Variants in PCDHGA1 observed in about 807,000 individuals in gnomAD.
PCDHGA1 encodes protocadherin gamma subfamily A, 1.
In PCDHGA1, 32 loss-of-function variants were observed where a neutral mutation model predicts 58.0. That is an observed-to-expected ratio of 0.55 (90% CI 0.42 to 0.74). The LOEUF (loss-of-function observed/expected upper bound fraction) is 0.74, where lower values mean the gene tolerates loss of function less well. Ranked by LOEUF, PCDHGA1 falls within the 30% of genes least tolerant of loss-of-function variation. PCDHGA1 has a pLI of 0.00. For synonymous variants in PCDHGA1, 498 were observed against 501.1 expected (o/e 0.99, Z 0.08); for missense variants, 1,205 against 1,182.3 (o/e 1.02, Z -0.28).
intron 1 of PCDHGA1, among the ~76,000 whole-genome samples, chr5:141,465,502 G>T (rs948827391): frequency 6.6e-6 from 1 of 152,152 alleles, no homozygotes; most frequent in Non-Finnish European, 1.5e-5. Flanking sequence ...GAGCATTGTC[G>T]TGGTCAGGAA....
chr5:141,511,129 G>A lies in PCDHGA1; in HGVS notation c.2752G>A (p.Gly918Ser). ...GCGGGATGGCAAGGCCCCAGCAGGT[G>A]GCAATGGCAACAAGAAGAAGTCGGG... ...GKRDGKAPAGGNGNKKKSGKK... is the reference protein window; with the variant it reads ...GKRDGKAPAGSNGNKKKSGKK... Residue 918 changes from glycine to serine, a missense_variant, in exon 4 of 4, where the codon GGC becomes AGC. By Grantham distance (56) the Gly-to-Ser change is moderately conservative. Coordinates refer to ENST00000517417, the MANE Select transcript of PCDHGA1 (RefSeq NM_018912.3). 1 of 1,614,204 alleles carries A rather than the reference G, an allele frequency of 6.2e-7. No individual in the cohort carries two copies. Among genetic ancestry groups the A allele is most frequent in the Non-Finnish European group, 8.5e-7 (1 of 1,180,014 alleles).
chr5:141,398,831 C>G (rs1488126013), intron 1 of PCDHGA1: 13 of 1,614,014 alleles, frequency 8.1e-6, no homozygotes, highest in Non-Finnish European at 1.1e-5. Context: ...GTAACCGACG[C>G]CAATGATAAT....
intron 1 of PCDHGA1, chr5:141,408,041 C>T: frequency 1.7e-6 from 2 of 1,193,652 alleles, no homozygotes; most frequent in Non-Finnish European, 2.3e-6. Context: ...AAACCAGCTC[C>T]CACACAGAGC....
chr5:141,501,290 TACACACACACACACACACAC>T (rs55762287), intron 2 of PCDHGA1, among the ~76,000 whole-genome samples: 1 of 136,162 alleles, frequency 7.3e-6, no homozygotes, highest in Non-Finnish European at 1.6e-5. Flanking sequence ...TATTCCCTTA[TACACACACACACACACACAC>T]ACACACACAC....
intron 1 of PCDHGA1, chr5:141,371,905 A>G (rs768388601): frequency 6.2e-7 from 1 of 1,613,358 alleles, no homozygotes; most frequent in Non-Finnish European, 8.5e-7. Context: ...CTGTCGTCCT[A>G]CGTGTCCGTG....
chr5:141,478,143 A>T (rs759384540), intron 1 of PCDHGA1: 1 of 1,614,014 alleles, frequency 6.2e-7, no homozygotes, highest in Non-Finnish European at 8.5e-7. Flanking sequence ...GCCCGAGCCG[A>T]GTTCCCCTCT....
At chr5:141,351,511 A>C (rs371747733) in intron 1 of PCDHGA1, 1 of 1,614,018 alleles carries the variant, frequency 6.2e-7, no homozygotes. Context: ...ACAACGTCAC[A>C]ATCATAGCCA....
intron 1 of PCDHGA1, among the ~76,000 whole-genome samples, chr5:141,492,409 C>T (rs1367119266): frequency 6.6e-6 from 1 of 152,230 alleles, no homozygotes. Context: ...TCCCCTCTGC[C>T]GCTCCCTCCG....
intron 1 of PCDHGA1, chr5:141,427,619 C>T: frequency 1.4e-6 from 1 of 696,342 alleles, no homozygotes; most frequent in Non-Finnish European, 2.6e-6. Context: ...AAGTCAACGA[C>T]AATGCTCCGG....
intron 1 of PCDHGA1, among the ~76,000 whole-genome samples, chr5:141,402,766 A>T (rs1321674206): frequency 6.6e-6 from 1 of 152,232 alleles, no homozygotes; most frequent in African/African-American, 2.4e-5. Context: ...TCAGGACTCC[A>T]TCCGGATTTC....
Position 141,331,252 on chromosome 5 carries a change from C to G in PCDHGA1, c.568C>G (p.Gln190Glu). 1 of 1,614,124 alleles carries G rather than the reference C, an allele frequency of 6.2e-7. No homozygotes were observed. Among genetic ancestry groups the G allele is most frequent in the South Asian group, 1.1e-5 (1 of 91,080 alleles). Reference sequence around the variant, plus strand: ...TGTGCAACAGGGAGCCGATGGGCCTCAACATCCAGAGATGGTGCTGCAGAG... The same window carrying G: ...TGTGCAACAGGGAGCCGATGGGCCTGAACATCCAGAGATGGTGCTGCAGAG... The part of the protein sequence containing the change: ...LDVQQGADGP[Q>E]HPEMVLQSPL... The change falls in exon 1 of 4, where the codon CAA becomes GAA. Residue 190 changes from glutamine (Q) to glutamate (E), a missense_variant. By Grantham distance (29) the Gln-to-Glu change is conservative. Coordinates refer to ENST00000517417, the MANE Select transcript of PCDHGA1 (RefSeq NM_018912.3).
Position 141,487,463 on chromosome 5 carries a change from G to T in PCDHGA1, c.2422-7344G>T, listed in dbSNP as rs754798527. 1 of 1,614,136 alleles carries T rather than the reference G, an allele frequency of 6.2e-7. No homozygotes were observed. The highest frequency in any genetic ancestry group is 1.7e-5 in the Admixed American group (1 of 60,016). ...GTCAGATGACCCTATCAAGTTTGTT[G>T]ATGTGGGAGGCCACTCTCATGGCTG... On this transcript the variant is annotated intron_variant, in intron 1 of 3. Coordinates refer to ENST00000517417, the MANE Select transcript of PCDHGA1 (RefSeq NM_018912.3). The surrounding 1 kb of genome is among the most constrained non-coding windows in gnomAD (Gnocchi z 5.0).
chr5:141,489,174 C>A lies in PCDHGA1; in HGVS notation c.2422-5633C>A. On this transcript the variant is annotated intron_variant, in intron 1 of 3. Coordinates refer to ENST00000517417, the MANE Select transcript of PCDHGA1 (RefSeq NM_018912.3). The surrounding 1 kb of genome is among the most constrained non-coding windows in gnomAD (Gnocchi z 4.5). ...ATAAGAGACTTCAGCTGCTGCATTC[C>A]AAGCCCTGGGTCTACCTTGGAGACA... The A allele has an allele frequency of 8.2e-7, 1 of 1,224,772 alleles. No individual in the cohort carries two copies. 75.9% of individuals were successfully genotyped at this position (1,224,772 alleles called of 1,614,324 possible).
chr5:141,414,870 G>A (rs1325555474), intron 1 of PCDHGA1: 1 of 1,614,224 alleles, frequency 6.2e-7, no homozygotes, highest in Non-Finnish European at 8.5e-7. Context: ...ATGCGCCCGA[G>A]ATCCTGTACC....
intron 1 of PCDHGA1, chr5:141,384,882 C>T (rs951463054): frequency 6.2e-7 from 1 of 1,613,754 alleles, no homozygotes; most frequent in African/African-American, 1.3e-5. Context: ...TCACACTCAC[C>T]GTGGCTGTGG....
Position 141,365,100 on chromosome 5 carries a change from T to C in PCDHGA1, c.2421+31995T>C, listed in dbSNP as rs1763736772. The C allele has an allele frequency of 3.1e-6, 5 of 1,613,846 alleles. No homozygotes were observed. The East Asian group carries it at 1.1e-4, about 36-fold the overall frequency. Reference sequence around the variant, plus strand: ...GTGAGTGTTCCAGAGAACATACCTGTGGGCACTCGGCTGCTCATGCTAACC... The same window carrying C: ...GTGAGTGTTCCAGAGAACATACCTGCGGGCACTCGGCTGCTCATGCTAACC... On this transcript the variant is annotated intron_variant, in intron 1 of 3. Coordinates refer to ENST00000517417, the MANE Select transcript of PCDHGA1 (RefSeq NM_018912.3).
intron 1 of PCDHGA1, among the ~76,000 whole-genome samples, chr5:141,455,419 G>T (rs1462099602): frequency 6.6e-6 from 1 of 152,124 alleles, no homozygotes; most frequent in Non-Finnish European, 1.5e-5. Flanking sequence ...AGGGAGCGGG[G>T]CTCCAAAAGA....
At position 141,489,733 on chromosome 5, in the gene PCDHGA1, A is replaced by C; in HGVS notation, c.2422-5074A>C. ...TGCCCAGGATCCGGATGTGGGCACC[A>C]ATACTGTGAGCTTTTACACTCTAAG... On this transcript the variant is annotated intron_variant, in intron 1 of 3. Coordinates refer to ENST00000517417, the MANE Select transcript of PCDHGA1 (RefSeq NM_018912.3). This position sits in a 1 kb window ranked among gnomAD's most constrained non-coding sequence, Gnocchi z 4.5. 1 of 1,614,168 alleles carries C rather than the reference A, an allele frequency of 6.2e-7. No individual in the cohort carries two copies. The highest frequency in any genetic ancestry group is 1.1e-5 in the South Asian group (1 of 91,078).
chr5:141,415,982 T>A lies in PCDHGA1; in HGVS notation c.2422-78825T>A, dbSNP rs531852883. The A allele has an allele frequency of 1.9e-4, 66 of 342,492 alleles. 1 individual carries two copies. Among genetic ancestry groups the A allele is most frequent in the African/African-American group, 1.3e-3 (59 of 46,668 alleles). 21.2% of individuals were successfully genotyped at this position (342,492 alleles called of 1,614,324 possible). A position where few individuals can be genotyped will look rare whatever the true frequency, so the allele number is the denominator to read the frequency against. ...AACTCCAGCCCCTTAAGCAACCCTC[T>A]TGTTCTGAAGGCAGGTCTGGTAAGA... On this transcript the variant is annotated intron_variant, in intron 1 of 3. Transcript: ENST00000517417.
Sources: gnomAD v4.1 joint callset for allele counts (sites outside exome capture counted in the v4.1 genomes callset) on GRCh38, gnomAD v4.1.1 for gene constraint, Gnocchi (gnomAD v3.1) non-coding constraint, MANE v1.5 for transcripts, NCBI Gene and HGNC (gene_info 2026-07-23, HGNC 2026-07-21) for gene names.